CPB2: variants seen among roughly 807,000 people sequenced by gnomAD.
CPB2 encodes the protein carboxypeptidase B2.
CPB2 carries 54 observed loss-of-function variants against 57.0 expected under a neutral mutation model. The ratio of observed to expected loss-of-function variants is 0.95; its 90% CI spans 0.76 to 1.19. CPB2 has a LOEUF of 1.19. CPB2 is among the 50% of genes most tolerant of loss of function. The pLI is 0.00. For missense variants in CPB2, 426 were observed against 512.0 expected, an observed-to-expected ratio of 0.83 and a Z score of 1.62; for synonymous variants, 189 against 178.1, an observed-to-expected ratio of 1.06 and a Z score of -0.49.
intron 1 of CPB2, among the ~76,000 whole-genome samples, chr13:46,103,409 A>G (rs1409113395): frequency 6.6e-6 from 1 of 152,226 alleles, no homozygotes; most frequent in African/African-American, 2.4e-5. Flanking sequence ...CCTTCCTTCA[A>G]ACTGGCTCTC....
intron 2 of CPB2, among the ~76,000 whole-genome samples, chr13:46,087,496 C>T (rs2045228302): frequency 6.6e-6 from 1 of 152,134 alleles, no homozygotes; most frequent in Non-Finnish European, 1.5e-5. Flanking sequence ...TTACTGTAGC[C>T]TCTTTGTAAG....
At chr13:46,084,570 C>G (rs2045170793) in intron 2 of CPB2, among the ~76,000 whole-genome samples, 1 of 151,886 alleles carries the variant, frequency 6.6e-6, no homozygotes, top group African/African-American at 2.4e-5. Flanking sequence ...ATAAAAGGGC[C>G]TGGAATATAC....
rs1260921980 is a variant in CPB2 at position 46,058,484 on chromosome 13, T to C, written c.797-103A>G. The C allele has an allele frequency of 1.1e-5, 10 of 914,240 alleles. No homozygotes were observed. In the African/African-American group the frequency reaches 1.3e-4, roughly 12 times the overall value. The allele number at this position is 914,240 out of a possible 1,614,324, so 56.6% of individuals were successfully genotyped here. ...TCTCCTACCTATGTTGCAACACTTT[T>C]AGATGAATGGATTAGGTAGGGCTCT... On this transcript the variant is annotated intron_variant, in intron 8 of 10. Coordinates refer to ENST00000181383, the MANE Select transcript of CPB2 (RefSeq NM_001872.5).
At chr13:46,068,150 T>C (rs937772278) in intron 6 of CPB2, among the ~76,000 whole-genome samples, 4 of 152,216 alleles carry the variant, frequency 2.6e-5, no homozygotes, top group Admixed American at 6.5e-5. Context: ...AAGCTTTTGG[T>C]TCAAAATCTT....
At position 46,087,808 on chromosome 13, in the gene CPB2, TA is replaced by T. The variant is rs760446894; in HGVS notation, c.86del (p.Leu29GlnfsTer29). On this transcript the variant is annotated frameshift_variant, in exon 2 of 11. Transcript: ENST00000181383. LOFTEE classifies it high-confidence loss of function. The stretch of plus-strand genomic sequence containing the variant: ...GCCTAGAGGTTCTAGGAAGAGCAGC[TA>T]GAACTTGGCCACTGGGGAAAAAAAT... ...HVFAFQSGQV[L>X]AALPRTSRQV... The T allele has an allele frequency of 1.9e-6, 3 of 1,609,690 alleles. No homozygotes were observed. Among genetic ancestry groups the T allele is most frequent in the Non-Finnish European group, 2.5e-6 (3 of 1,177,826 alleles).
chr13:46,104,949 A>C lies in CPB2; in HGVS notation c.61T>G (p.Phe21Val). 2.5e-6 allele frequency: 4 copies of C among 1,614,024 alleles called. No homozygotes were observed. Among genetic ancestry groups the C allele is most frequent in the Non-Finnish European group, 3.4e-6 (4 of 1,179,900 alleles). ...PIVLFCEQHV[F>V]AFQSGQVLAA... ...CTATTGGGTTACCTCTGAAACGCGAAGACATGCTGCTCACAGAAGAGAACA... is the reference window on the plus strand; with the variant it reads ...CTATTGGGTTACCTCTGAAACGCGACGACATGCTGCTCACAGAAGAGAACA... Residue 21 changes from phenylalanine (F) to valine (V), a missense_variant, in exon 1 of 11, where the codon TTC becomes GTC. Phe to Val is a conservative substitution (Grantham distance 50). Coordinates refer to ENST00000181383, the MANE Select transcript of CPB2 (RefSeq NM_001872.5).
chr13:46,078,308 T>C (rs1036005953), intron 5 of CPB2, among the ~76,000 whole-genome samples: 1 of 152,186 alleles, frequency 6.6e-6, no homozygotes, highest in African/African-American at 2.4e-5. Flanking sequence ...TTTCTGTTAG[T>C]GTTTGTCCCC....
rs767703040 is a variant in CPB2 at position 46,062,714 on chromosome 13, C to CACTAGATAATGGGTATTT, written c.796+1933_796+1934insAAATACCCATTATCTAGT. On this transcript the variant is annotated intron_variant, in intron 8 of 10. Transcript: ENST00000181383. ...AGGACCCTCCTTGTGCCAGGCACTG[C>CACTAGATAATGGGTATTT]ACTAGATAATGGGTATTGGTTTCTG... Among the ~76,000 whole-genome samples the CACTAGATAATGGGTATTT allele has an allele frequency of 1.4e-4, 21 of 152,214 alleles. No homozygotes were observed. The East Asian group carries it at 3.1e-3, about 22-fold the overall frequency.
At chr13:46,089,812 T>A (rs939767487) in intron 1 of CPB2, among the ~76,000 whole-genome samples, 4 of 149,320 alleles carry the variant, frequency 2.7e-5, no homozygotes, top group African/African-American at 9.9e-5. Context: ...TAGCTGGTGC[T>A]TTGTCATGAA....
chr13:46,092,226 A>G (rs905277905), intron 1 of CPB2, among the ~76,000 whole-genome samples: 1 of 152,220 alleles, frequency 6.6e-6, no homozygotes, highest in African/African-American at 2.4e-5. Context: ...TGTATGGAAC[A>G]ACAGCACTCA....
intron 7 of CPB2, among the ~76,000 whole-genome samples, chr13:46,066,460 G>A (rs1339307575): frequency 6.6e-6 from 1 of 152,198 alleles, no homozygotes; most frequent in Non-Finnish European, 1.5e-5. Flanking sequence ...TGGAATGTGA[G>A]TTCATGGATT....
chr13:46,101,686 C>T lies in CPB2; in HGVS notation c.74+3250G>A, dbSNP rs374794786. On this transcript the variant is annotated intron_variant, in intron 1 of 10. Coordinates refer to ENST00000181383, the MANE Select transcript of CPB2 (RefSeq NM_001872.5). ...TGCACCAAAAATCGAATGAGAAGTA[C>T]AAGCACAGTGAAGTAACAGGTCACT... is the stretch of plus-strand genomic sequence containing the variant. 9.3e-5 allele frequency among the ~76,000 whole-genome samples: 14 copies of T among 150,598 alleles called. No individual in the cohort carries two copies. The Admixed American group carries it at 9.3e-4, about 10-fold the overall frequency.
intron 8 of CPB2, among the ~76,000 whole-genome samples, chr13:46,061,161 A>T (rs1298193147): frequency 6.6e-6 from 1 of 151,828 alleles, no homozygotes; most frequent in African/African-American, 2.4e-5. Flanking sequence ...TGTACAATTA[A>T]AAATTGTTAA....
intron 1 of CPB2, among the ~76,000 whole-genome samples, chr13:46,104,267 A>C (rs1419653806): frequency 6.6e-6 from 1 of 152,244 alleles, no homozygotes; most frequent in Non-Finnish European, 1.5e-5. Context: ...GATAATTCCA[A>C]AGGAAACAAT....
At chr13:46,070,220 C>T (rs1217237073) in intron 6 of CPB2, among the ~76,000 whole-genome samples, 1 of 152,090 alleles carries the variant, frequency 6.6e-6, no homozygotes, top group Non-Finnish European at 1.5e-5. Flanking sequence ...TGTAGGCTAA[C>T]GTAAGTGTTC....
chr13:46,058,158 A>G (rs1469969561), intron 9 of CPB2, 21 bp downstream of exon 9: 1 of 1,590,880 alleles, frequency 6.3e-7, no homozygotes, highest in Non-Finnish European at 8.6e-7. Flanking sequence ...CTAATGAGAA[A>G]AATAATTAAG....
intron 2 of CPB2, among the ~76,000 whole-genome samples, chr13:46,086,873 G>T (rs555114476): frequency 1.3e-5 from 2 of 152,208 alleles, no homozygotes; most frequent in Non-Finnish European, 2.9e-5. Flanking sequence ...TGTCAGTACC[G>T]CTCTGATCAT....
At chr13:46,055,885 G>T in intron 9 of CPB2, 36 bp from the exon 10 acceptor site, 5 of 1,235,006 alleles carry the variant, frequency 4.0e-6, no homozygotes, top group South Asian at 1.3e-5. Context: ...CAGTTAATGT[G>T]CAGCTTTGAA....
At chr13:46,062,550 G>C (rs958551408) in intron 8 of CPB2, among the ~76,000 whole-genome samples, 4 of 152,176 alleles carry the variant, frequency 2.6e-5, no homozygotes, top group Non-Finnish European at 5.9e-5. Context: ...AACACGAGTG[G>C]TTTTTTAGGG....
Sources: allele counts gnomAD v4.1 joint callset (sites outside exome capture counted in the v4.1 genomes callset), GRCh38; gene constraint gnomAD v4.1.1; transcripts MANE v1.5; gene names NCBI Gene and HGNC (gene_info 2026-07-23, HGNC 2026-07-21).